Variants in POLK observed in about 807,000 individuals in gnomAD.
The protein encoded by POLK is polymerase (DNA directed) kappa.
POLK carries 76 observed loss-of-function variants against 94.0 expected under a neutral mutation model. The ratio of observed to expected loss-of-function variants is 0.81; its 90% confidence interval spans 0.67 to 0.98. The LOEUF (loss-of-function observed/expected upper bound fraction) is 0.98. POLK is among the 50% of genes least tolerant of loss of function. The pLI, the probability that POLK is intolerant of heterozygous loss-of-function variation, is 0.00. For synonymous variants in POLK, 349 were observed against 325.4 expected, an observed-to-expected ratio of 1.07 and a Z score of -0.78; for missense variants, 954 against 1,010.1, an observed-to-expected ratio of 0.94 and a Z score of 0.75.
chr5:75,544,132 C>T (rs951699205), intron 1 of POLK, among the ~76,000 whole-genome samples: 3 of 152,146 alleles, frequency 2.0e-5, no homozygotes, highest in African/African-American at 4.8e-5. Context: ...ATGCTGCACC[C>T]GGCCTCTTCT....
In POLK at chr5:75,573,790, G is replaced by T. The variant is rs749804502; in HGVS notation, c.461G>T (p.Gly154Val). Residue 154 changes from glycine to valine, a missense_variant, in exon 5 of 15, where the codon GGA becomes GTA. By Grantham distance (109) the Gly-to-Val change is moderately radical (BLOSUM62 -3). Transcript: ENST00000241436. ...TTTGGTGTTCGTGCAGCCATGCCAG[G>T]ATTTATTGCTAAGAGGCTGTGCCCA... The T allele has an allele frequency of 6.2e-6, 10 of 1,612,856 alleles. No individual in the cohort carries two copies. The African/African-American group carries it at 1.2e-4, about 19-fold the overall frequency.
chr5:75,518,814 T>C (rs1768436754), intron 1 of POLK, among the ~76,000 whole-genome samples: 2 of 152,350 alleles, frequency 1.3e-5, no homozygotes, highest in South Asian at 2.1e-4. Context: ...GTATTTTGTG[T>C]TTCCATTGTC....
chr5:75,541,341 G>A (rs1024399290), intron 1 of POLK, among the ~76,000 whole-genome samples: 14 of 152,096 alleles, frequency 9.2e-5, no homozygotes, highest in African/African-American at 3.4e-4. Flanking sequence ...GGGGCTTGGG[G>A]AATTGACCTT....
At chr5:75,602,341 C>T (rs371374242), downstream of POLK, among the ~76,000 whole-genome samples, 4 of 152,260 alleles carry the variant, frequency 2.6e-5, no homozygotes, top group South Asian at 2.1e-4. Flanking sequence ...TAAACTATCT[C>T]GTCAAACTAA....
At chr5:75,534,051 A>C (rs867560086) in intron 1 of POLK, among the ~76,000 whole-genome samples, 11 of 152,302 alleles carry the variant, frequency 7.2e-5, no homozygotes, top group Middle Eastern at 3.4e-3. Flanking sequence ...GGATCACTTG[A>C]GGTCAGGAAT....
chr5:75,521,192 C>T (rs1203349280), intron 1 of POLK, among the ~76,000 whole-genome samples: 1 of 152,084 alleles, frequency 6.6e-6, no homozygotes, highest in Admixed American at 6.6e-5. Context: ...AAACTTTCTA[C>T]TCCTGCTCTT....
intron 1 of POLK, among the ~76,000 whole-genome samples, chr5:75,531,761 C>T (rs920590361): frequency 2.0e-5 from 3 of 151,650 alleles, no homozygotes; most frequent in East Asian, 1.9e-4. Context: ...CACTACACTC[C>T]AGCCTGGGTG....
In POLK at chr5:75,588,239, C is replaced by T. The variant is rs554741760; in HGVS notation, c.1259+1181C>T. 7.9e-5 allele frequency among the ~76,000 whole-genome samples: 12 copies of T among 151,964 alleles called. No individual in the cohort carries two copies. The South Asian group carries it at 2.5e-3, about 32-fold the overall frequency. On this transcript the variant is annotated intron_variant, in intron 10 of 14. Transcript: ENST00000241436. ...CTGGAAACTTTCTCCCCTTGGCTTT[C>T]TAAAATGGGCAATATAACATCAAAT...
At chr5:75,575,058 G>T (rs1046454867) in intron 5 of POLK, among the ~76,000 whole-genome samples, 1 of 152,142 alleles carries the variant, frequency 6.6e-6, no homozygotes, top group African/African-American at 2.4e-5. Context: ...AATTTGAGCC[G>T]GATCTAGCTA....
chr5:75,529,179 C>T (rs1394306802), intron 1 of POLK, among the ~76,000 whole-genome samples: 3 of 152,152 alleles, frequency 2.0e-5, no homozygotes, highest in African/African-American at 7.2e-5. Flanking sequence ...CCAGCATCTG[C>T]TCCTGGTGAG....
intron 3 of POLK, among the ~76,000 whole-genome samples, chr5:75,555,623 T>C (rs1326325499): frequency 6.6e-6 from 1 of 151,926 alleles, no homozygotes; most frequent in Non-Finnish European, 1.5e-5. Flanking sequence ...CAATTTTGGC[T>C]CACTGCAACC....
intron 12 of POLK, among the ~76,000 whole-genome samples, chr5:75,595,067 A>G (rs1032026294): frequency 2.6e-5 from 4 of 152,054 alleles, no homozygotes; most frequent in East Asian, 3.9e-4. Flanking sequence ...CCTGGCCAAC[A>G]TAGTGAAACT....
chr5:75,557,456 G>C (rs1770694922), intron 3 of POLK, among the ~76,000 whole-genome samples: 1 of 152,184 alleles, frequency 6.6e-6, no homozygotes, highest in Non-Finnish European at 1.5e-5. Context: ...TCCTGTTCAT[G>C]AACATGGAAT....
chr5:75,534,749 CTTTG>C (rs2112585017), intron 1 of POLK: 1 of 152,180 alleles, frequency 6.6e-6, no homozygotes, highest in Admixed American at 6.5e-5. Context: ...CTTTTTTGAT[CTTTG>C]TTTATTTAAA....
upstream of POLK, chr5:75,511,539 G>A (rs1768004228): frequency 2.1e-6 from 3 of 1,459,806 alleles, no homozygotes; most frequent in Non-Finnish European, 9.0e-7. Context: ...AAGGAAAAGG[G>A]AAAAGAAGGG....
chr5:75,559,748 C>T (rs1487726272), intron 3 of POLK, among the ~76,000 whole-genome samples: 1 of 151,714 alleles, frequency 6.6e-6, no homozygotes, highest in Non-Finnish European at 1.5e-5. Flanking sequence ...CTATATTGCC[C>T]AGGCCAGTCT....
Position 75,597,742 on chromosome 5 carries a change from T to C in POLK, c.2486-5T>C. On this transcript the variant is annotated splice_region_variant and splice_polypyrimidine_tract_variant and intron_variant, in intron 13 of 14. Transcript: ENST00000241436. ...TGGAATTTCTTGACTTTCTTTCCTC[T>C]AAAGGTAGCTCAAGTGGAGTACAGA... is the stretch of plus-strand genomic sequence containing the variant. The C allele has an allele frequency of 6.8e-7, 1 of 1,471,448 alleles. No individual in the cohort carries two copies. Among genetic ancestry groups the C allele is most frequent in the Non-Finnish European group, 9.1e-7 (1 of 1,098,782 alleles). 91.1% of individuals were successfully genotyped at this position (1,471,448 alleles called of 1,614,324 possible).
intron 9 of POLK, among the ~76,000 whole-genome samples, chr5:75,585,313 A>G (rs1337498517): frequency 1.3e-5 from 2 of 152,106 alleles, no homozygotes; most frequent in Non-Finnish European, 2.9e-5. Context: ...CTTAAACTAC[A>G]TTTCTTTTCT....
intron 4 of POLK, among the ~76,000 whole-genome samples, chr5:75,573,479 G>A (rs1410975471): frequency 6.6e-6 from 1 of 152,100 alleles, no homozygotes. Flanking sequence ...TAACTTGCAC[G>A]TTGTGCACAT....
Sources: allele counts gnomAD v4.1 joint callset (sites outside exome capture counted in the v4.1 genomes callset), GRCh38; gene constraint gnomAD v4.1.1; transcripts MANE v1.5; gene names NCBI Gene and HGNC (gene_info 2026-07-23, HGNC 2026-07-21).